SCAPER: variants seen among roughly 807,000 people sequenced by gnomAD.
The protein encoded by SCAPER is S phase cyclin A-associated protein in the endoplasmic reticulum.
In SCAPER, 98 loss-of-function variants were observed where a neutral mutation model predicts 182.2. The ratio of observed to expected loss-of-function variants is 0.54; its 90% CI spans 0.46 to 0.64. The LOEUF (loss-of-function observed/expected upper bound fraction) is 0.64. Ranked by LOEUF, SCAPER falls within the 30% of genes least tolerant of loss-of-function variation. The pLI, the probability that SCAPER is intolerant of heterozygous loss-of-function variation, is 0.00. For synonymous variants in SCAPER, 605 were observed against 564.6 expected, an observed-to-expected ratio of 1.07 and a Z score of -1.01; for missense variants, 1,432 against 1,690.0, an observed-to-expected ratio of 0.85 and a Z score of 2.68.
chr15:76,813,372 T>C (rs557119587), intron 5 of SCAPER, among the ~76,000 whole-genome samples: 8 of 151,734 alleles, frequency 5.3e-5, no homozygotes, highest in African/African-American at 7.3e-5. Flanking sequence ...ATAACACTTT[T>C]CATCTAAGAT....
intron 23 of SCAPER, among the ~76,000 whole-genome samples, chr15:76,526,956 C>T (rs1010047307): frequency 6.6e-6 from 1 of 152,022 alleles, no homozygotes; most frequent in Non-Finnish European, 1.5e-5. Context: ...ACTGCAACCT[C>T]TACCTCCCGT....
intron 29 of SCAPER, among the ~76,000 whole-genome samples, chr15:76,366,658 G>A (rs896039043): frequency 6.6e-6 from 1 of 152,276 alleles, no homozygotes; most frequent in South Asian, 2.1e-4. Flanking sequence ...GCACCTCTGA[G>A]TTGTCTCTGT....
intron 23 of SCAPER, among the ~76,000 whole-genome samples, chr15:76,564,829 C>T (rs374498482): frequency 1.3e-5 from 2 of 152,100 alleles, no homozygotes; most frequent in East Asian, 1.9e-4. Flanking sequence ...GACACATAGA[C>T]GAATGGAACA....
intron 2 of SCAPER, among the ~76,000 whole-genome samples, chr15:76,875,890 A>C (rs777329812): frequency 3.9e-5 from 6 of 152,120 alleles, no homozygotes; most frequent in Non-Finnish European, 8.8e-5. Flanking sequence ...GCGCTGGTCG[A>C]GGAGGCTCGG....
chr15:76,783,643 T>C (rs1261668996), intron 8 of SCAPER, among the ~76,000 whole-genome samples: 1 of 152,008 alleles, frequency 6.6e-6, no homozygotes, highest in African/African-American at 2.4e-5. Context: ...CTCAATAAAA[T>C]ACTGGCAAAC....
intron 21 of SCAPER, among the ~76,000 whole-genome samples, chr15:76,637,722 T>TTATATATATATATA (rs369760680): frequency 2.4e-4 from 19 of 77,850 alleles, no homozygotes; most frequent in African/African-American, 9.0e-4. Context: ...ATATATGTGA[T>TTATATATATATATA]TATATATATA....
At chr15:76,615,910 A>G (rs537168838) in intron 22 of SCAPER, among the ~76,000 whole-genome samples, 1 of 152,274 alleles carries the variant, frequency 6.6e-6, no homozygotes, top group South Asian at 2.1e-4. Flanking sequence ...GCAATCCGAA[A>G]CTAAAATGAG....
intron 23 of SCAPER, among the ~76,000 whole-genome samples, chr15:76,572,911 T>TCACACACACACACA (rs67724539): frequency 5.0e-4 from 55 of 109,128 alleles, no homozygotes; most frequent in African/African-American, 1.3e-3. Flanking sequence ...TCTCTCTCTC[T>TCACACACACACACA]CTCTCTCTCA....
At chr15:76,862,304 T>C in intron 3 of SCAPER, 112 bp downstream of exon 3, 2 of 571,802 alleles carry the variant, frequency 3.5e-6, no homozygotes, top group Non-Finnish European at 6.1e-6. Context: ...TTATTTAACA[T>C]ACTAATCAGC....
chr15:76,895,102 C>A (rs1189185790), intron 1 of SCAPER, among the ~76,000 whole-genome samples: 1 of 152,102 alleles, frequency 6.6e-6, no homozygotes, highest in Non-Finnish European at 1.5e-5. Flanking sequence ...GGCCCATATC[C>A]CTGATGAATA....
At chr15:76,491,452 C>G (rs1198054393) in intron 24 of SCAPER, among the ~76,000 whole-genome samples, 3 of 151,960 alleles carry the variant, frequency 2.0e-5, no homozygotes, top group Non-Finnish European at 4.4e-5. Context: ...TATTTTTATT[C>G]CTTTGAGGTA....
At chr15:76,636,416 C>T (rs1031358545) in intron 21 of SCAPER, among the ~76,000 whole-genome samples, 2 of 151,860 alleles carry the variant, frequency 1.3e-5, no homozygotes, top group African/African-American at 4.8e-5. Flanking sequence ...ACTGTTCTCC[C>T]TTTCCCTGGG....
At chr15:76,673,698 T>C (rs1431317633) in intron 20 of SCAPER, among the ~76,000 whole-genome samples, 1 of 152,166 alleles carries the variant, frequency 6.6e-6, no homozygotes, top group East Asian at 1.9e-4. Context: ...GATTATGGTC[T>C]TGAAATATCA....
At chr15:76,743,522 T>C (rs2061651473) in intron 15 of SCAPER, among the ~76,000 whole-genome samples, 2 of 151,616 alleles carry the variant, frequency 1.3e-5, no homozygotes. Flanking sequence ...AGGAAAACAG[T>C]CAAATCAAGA....
intron 20 of SCAPER, among the ~76,000 whole-genome samples, chr15:76,693,957 TAATA>T (rs2058515544): frequency 6.6e-6 from 1 of 152,140 alleles, no homozygotes; most frequent in African/African-American, 2.4e-5. Flanking sequence ...CACTAAACTA[TAATA>T]TATACTTAAA....
At chr15:76,712,998 G>A (rs1447550514) in intron 17 of SCAPER, among the ~76,000 whole-genome samples, 2 of 152,120 alleles carry the variant, frequency 1.3e-5, no homozygotes, top group Non-Finnish European at 2.9e-5. Flanking sequence ...GGTGAGAGAG[G>A]GCATCCCTGT....
At chr15:76,682,852 T>C (rs758098157) in intron 20 of SCAPER, among the ~76,000 whole-genome samples, 1 of 151,486 alleles carries the variant, frequency 6.6e-6, no homozygotes, top group Non-Finnish European at 1.5e-5. Context: ...GAGCCCACCT[T>C]ATAACACAAT....
intron 20 of SCAPER, among the ~76,000 whole-genome samples, chr15:76,684,359 A>G (rs969022059): frequency 1.3e-5 from 2 of 152,220 alleles, no homozygotes; most frequent in Non-Finnish European, 2.9e-5. Flanking sequence ...GTAAAGGGAT[A>G]GAGAAAAATC....
At position 76,775,210 on chromosome 15, in the gene SCAPER, C is replaced by A. The variant is rs141853219; in HGVS notation, c.773-93G>T. 1,518 of 1,148,402 alleles carry A rather than the reference C, an allele frequency of 1.3e-3. 15 individuals are homozygous for A. In the African/African-American group the frequency reaches 0.022, roughly 16 times the overall value. 71.1% of individuals were successfully genotyped at this position (1,148,402 alleles called of 1,614,324 possible). A position where few individuals can be genotyped will look rare whatever the true frequency, so the allele number is the denominator to read the frequency against. The stretch of plus-strand genomic sequence containing the variant: ...AATAAAAACATTTTCCAATTTAATT[C>A]CCAACAAATATAACTAATATACAAA... On this transcript the variant is annotated intron_variant, in intron 8 of 31. Transcript: ENST00000563290.
Sources: gnomAD v4.1 joint callset for allele counts (sites outside exome capture counted in the v4.1 genomes callset) on GRCh38, gnomAD v4.1.1 for gene constraint, MANE v1.5 for transcripts, NCBI Gene and HGNC (gene_info 2026-07-23, HGNC 2026-07-21) for gene names.